The following SH3GL2 variants were observed in gnomAD, a reference collection of about 807,000 sequenced individuals.
The protein encoded by SH3GL2 is endophilin-A1.
A neutral mutation model predicts 46.0 loss-of-function variants in SH3GL2; 24 were observed. That is an observed-to-expected ratio of 0.52 (90% CI 0.38 to 0.73). SH3GL2 has a LOEUF of 0.73. SH3GL2 is among the 30% of genes least tolerant of loss of function. SH3GL2 has a pLI of 0.00. For synonymous variants in SH3GL2, 196 were observed against 147.1 expected, an observed-to-expected ratio of 1.33 and a Z score of -2.40; for missense variants, 413 against 424.2, an observed-to-expected ratio of 0.97 and a Z score of 0.23.
intron 1 of SH3GL2, among the ~76,000 whole-genome samples, chr9:17,646,235 G>T (rs1236175138): frequency 6.6e-6 from 1 of 151,834 alleles, no homozygotes; most frequent in Non-Finnish European, 1.5e-5. Context: ...GGTCATTTAT[G>T]TTCTTCTCTA....
chr9:17,775,349 T>G (rs923382231), intron 3 of SH3GL2, among the ~76,000 whole-genome samples: 2 of 152,310 alleles, frequency 1.3e-5, no homozygotes, highest in South Asian at 2.1e-4. Flanking sequence ...CAACTGTAAT[T>G]TTCTCCAAAA....
At chr9:17,673,716 C>T in intron 1 of SH3GL2, among the ~76,000 whole-genome samples, 1 of 152,190 alleles carries the variant, frequency 6.6e-6, no homozygotes, top group Middle Eastern at 3.2e-3. Context: ...TTTTAGTTCC[C>T]TGAAACCACC....
chr9:17,688,150 G>A (rs1820972854), intron 1 of SH3GL2, among the ~76,000 whole-genome samples: 1 of 152,024 alleles, frequency 6.6e-6, no homozygotes, highest in South Asian at 2.1e-4. Flanking sequence ...ATGCTACTTA[G>A]CAATGGGTGC....
chr9:17,761,111 T>C (rs1259693857), intron 2 of SH3GL2, among the ~76,000 whole-genome samples: 3 of 152,246 alleles, frequency 2.0e-5, no homozygotes, highest in Non-Finnish European at 4.4e-5. Context: ...TGACCCACTG[T>C]AGGCATCCAA....
chr9:17,690,171 A>C (rs932527318), intron 1 of SH3GL2, among the ~76,000 whole-genome samples: 12 of 152,096 alleles, frequency 7.9e-5, no homozygotes, highest in African/African-American at 2.9e-4. Flanking sequence ...ATTTATGTCT[A>C]CACCCCCACA....
chr9:17,683,142 G>C (rs1478612767), intron 1 of SH3GL2, among the ~76,000 whole-genome samples: 1 of 152,066 alleles, frequency 6.6e-6, no homozygotes, highest in Non-Finnish European at 1.5e-5. Flanking sequence ...TGTCACATAA[G>C]CTAGTAAGAA....
chr9:17,770,139 C>T (rs527841253), intron 3 of SH3GL2, among the ~76,000 whole-genome samples: 5 of 152,136 alleles, frequency 3.3e-5, no homozygotes, highest in Non-Finnish European at 5.9e-5. Flanking sequence ...TATTTGGTGT[C>T]ATGTACAATT....
intron 1 of SH3GL2, among the ~76,000 whole-genome samples, chr9:17,647,936 A>G (rs982085002): frequency 6.6e-6 from 1 of 152,150 alleles, no homozygotes; most frequent in Non-Finnish European, 1.5e-5. Context: ...CTTCCACCTC[A>G]GCCTACTCAA....
At chr9:17,624,803 G>T (rs187062865) in intron 1 of SH3GL2, among the ~76,000 whole-genome samples, 3 of 152,160 alleles carry the variant, frequency 2.0e-5, no homozygotes, top group Non-Finnish European at 2.9e-5. Context: ...TGGAGAAAGG[G>T]TATAGGCAGT....
At chr9:17,665,313 C>A (rs987088490) in intron 1 of SH3GL2, among the ~76,000 whole-genome samples, 1 of 152,150 alleles carries the variant, frequency 6.6e-6, no homozygotes, top group African/African-American at 2.4e-5. Flanking sequence ...TTCTCTCCTC[C>A]ACTGGGTCCA....
intron 1 of SH3GL2, among the ~76,000 whole-genome samples, chr9:17,696,835 T>A (rs1821214683): frequency 6.6e-6 from 1 of 152,238 alleles, no homozygotes; most frequent in Admixed American, 6.5e-5. Flanking sequence ...ATAGCCCATT[T>A]TTTGTGGATG....
intron 1 of SH3GL2, among the ~76,000 whole-genome samples, chr9:17,594,951 A>C (rs1436949818): frequency 6.6e-6 from 1 of 152,324 alleles, no homozygotes; most frequent in South Asian, 2.1e-4. Flanking sequence ...CTAAAAGTTA[A>C]TGTAGAATTT....
At chr9:17,733,523 G>T (rs1460347361) in intron 1 of SH3GL2, among the ~76,000 whole-genome samples, 2 of 150,888 alleles carry the variant, frequency 1.3e-5, no homozygotes. Flanking sequence ...CTGTTGGTGG[G>T]ACTGTAAACT....
intron 8 of SH3GL2, 85 bp downstream of exon 8, chr9:17,793,582 C>T (rs1019886729): frequency 6.0e-6 from 8 of 1,335,820 alleles, no homozygotes; most frequent in Admixed American, 2.1e-5. Context: ...ATAGTCCAAT[C>T]TGGCTGCATA....
chr9:17,656,785 A>C (rs1387849896), intron 1 of SH3GL2, among the ~76,000 whole-genome samples: 2 of 150,590 alleles, frequency 1.3e-5, no homozygotes, highest in East Asian at 1.9e-4. Context: ...AAAAAAAAAA[A>C]AACAAAAAAG....
chr9:17,743,235 C>T (rs538279068), intron 1 of SH3GL2, among the ~76,000 whole-genome samples: 9 of 152,248 alleles, frequency 5.9e-5, no homozygotes, highest in African/African-American at 1.9e-4. Context: ...ACATAGTCTG[C>T]TGTTAAATTC....
chr9:17,775,295 A>G (rs1049048801), intron 3 of SH3GL2, among the ~76,000 whole-genome samples: 1 of 152,094 alleles, frequency 6.6e-6, no homozygotes, highest in African/African-American at 2.4e-5. Context: ...TGAAGGGGCA[A>G]GTGTATTTTT....
At chr9:17,692,465 G>T (rs993227388) in intron 1 of SH3GL2, among the ~76,000 whole-genome samples, 1 of 151,976 alleles carries the variant, frequency 6.6e-6, no homozygotes, top group African/African-American at 2.4e-5. Flanking sequence ...GGCCAATATG[G>T]TAAAACCCCA....
chr9:17,583,000 TTAAA>T (rs1818305947), intron 1 of SH3GL2, among the ~76,000 whole-genome samples: 1 of 152,246 alleles, frequency 6.6e-6, no homozygotes. Flanking sequence ...TGATTTTATC[TTAAA>T]TAATTACCAT....
Sources: gnomAD v4.1 joint callset for allele counts (sites outside exome capture counted in the v4.1 genomes callset) on GRCh38, gnomAD v4.1.1 for gene constraint, MANE v1.5 for transcripts, NCBI Gene and HGNC (gene_info 2026-07-23, HGNC 2026-07-21) for gene names.